Variants in TRDN observed in about 807,000 individuals in gnomAD.
TRDN encodes the protein triadin in skeletal muscle.
Under a neutral mutation model 149.7 loss-of-function variants are expected in TRDN, and 161 were observed. That is an observed-to-expected ratio of 1.08 (90% CI 0.95 to 1.23). The LOEUF is 1.23. Among genes scored for constraint, TRDN ranks in the 50% most tolerant of loss-of-function variants. The pLI is 0.00. For synonymous variants in TRDN, 294 were observed against 250.5 expected (o/e 1.17, Z -1.64); for missense variants, 896 against 823.5 (o/e 1.09, Z -1.08).
chr6:123,246,256 A>C (rs1776174101), intron 38 of TRDN, among the ~76,000 whole-genome samples: 1 of 152,160 alleles, frequency 6.6e-6, no homozygotes. Context: ...ACTGAAGGAG[A>C]TAGAGACACA....
chr6:123,417,248 G>T (rs1174137228), intron 12 of TRDN, among the ~76,000 whole-genome samples: 1 of 152,014 alleles, frequency 6.6e-6, no homozygotes, highest in Non-Finnish European at 1.5e-5. Flanking sequence ...AAATTAATTT[G>T]AGGGAAGCAT....
chr6:123,562,492 G>A (rs945033576), intron 2 of TRDN, among the ~76,000 whole-genome samples: 4 of 152,274 alleles, frequency 2.6e-5, no homozygotes, highest in Non-Finnish European at 4.4e-5. Context: ...ACAGCAAGAA[G>A]CCTATGAGCT....
intron 35 of TRDN, among the ~76,000 whole-genome samples, chr6:123,257,746 A>G (rs570007853): frequency 6.6e-6 from 1 of 152,260 alleles, no homozygotes; most frequent in African/African-American, 2.4e-5. Context: ...TCTTCACAAT[A>G]TTGATTCTTC....
chr6:123,362,308 A>T (rs1780936950), intron 20 of TRDN, among the ~76,000 whole-genome samples: 1 of 151,764 alleles, frequency 6.6e-6, no homozygotes, highest in African/African-American at 2.4e-5. Flanking sequence ...CTATTTCAAA[A>T]TTTTCCTTTA....
chr6:123,486,672 T>C (rs1303994357), intron 9 of TRDN, among the ~76,000 whole-genome samples: 1 of 152,028 alleles, frequency 6.6e-6, no homozygotes, highest in Non-Finnish European at 1.5e-5. Flanking sequence ...ATCATTCCTC[T>C]ACTTTAATAA....
At chr6:123,426,453 G>A (rs948185432) in intron 12 of TRDN, among the ~76,000 whole-genome samples, 1 of 152,148 alleles carries the variant, frequency 6.6e-6, no homozygotes, top group Non-Finnish European at 1.5e-5. Context: ...GTGTGGAATA[G>A]TGGAGCAATA....
At position 123,570,982 on chromosome 6, in the gene TRDN, A is replaced by T. The variant is rs758502934; in HGVS notation, c.173T>A (p.Ile58Asn). The change falls in exon 2 of 41, where the codon ATC (isoleucine) becomes AAC (asparagine). Residue 58 changes from isoleucine (I) to asparagine (N), a missense_variant. Ile to Asn is a moderately radical substitution (Grantham distance 149). Coordinates refer to ENST00000334268, the MANE Select transcript of TRDN (RefSeq NM_006073.4). Reference sequence around the variant, plus strand: ...AACGATGGCAACAGCTGACCACGTGATTATCAGGGCAATGACCAGAAGCCA... The same window carrying T: ...AACGATGGCAACAGCTGACCACGTGTTTATCAGGGCAATGACCAGAAGCCA... The part of the protein sequence containing the change: ...AAWLLVIALI[I>N]TWSAVAIVMF... 65 of 1,613,874 alleles carry T rather than the reference A, an allele frequency of 4.0e-5. No individual in the cohort carries two copies. The highest frequency in any genetic ancestry group is 5.3e-5 in the Non-Finnish European group (62 of 1,179,866).
intron 34 of TRDN, 125 bp from the exon 35 acceptor site, chr6:123,259,787 T>C: frequency 1.5e-6 from 1 of 655,692 alleles, no homozygotes. Flanking sequence ...GGCTCTCTCA[T>C]TTCATTTTTG....
intron 1 of TRDN, among the ~76,000 whole-genome samples, chr6:123,621,286 T>A (rs959576928): frequency 6.6e-6 from 1 of 152,078 alleles, no homozygotes; most frequent in Non-Finnish European, 1.5e-5. Context: ...TGAGACTAGA[T>A]CAATTTCTTC....
At chr6:123,465,415 A>C (rs1017800327) in intron 9 of TRDN, among the ~76,000 whole-genome samples, 2 of 151,968 alleles carry the variant, frequency 1.3e-5, no homozygotes, top group Admixed American at 6.6e-5. Context: ...ATAGGCAATA[A>C]AAGAAGGTTG....
At chr6:123,394,424 G>A (rs909587798) in intron 12 of TRDN, among the ~76,000 whole-genome samples, 1 of 152,062 alleles carries the variant, frequency 6.6e-6, no homozygotes, top group Non-Finnish European at 1.5e-5. Flanking sequence ...TATGGTTTCT[G>A]ATTGTCTTTA....
intron 24 of TRDN, among the ~76,000 whole-genome samples, chr6:123,299,417 C>T (rs1215838376): frequency 6.6e-6 from 1 of 151,920 alleles, no homozygotes; most frequent in Non-Finnish European, 1.5e-5. Flanking sequence ...GTTCTGAAAC[C>T]AAGGAAATGA....
chr6:123,443,865 T>G (rs1194798162), intron 10 of TRDN, among the ~76,000 whole-genome samples: 1 of 151,066 alleles, frequency 6.6e-6, no homozygotes, highest in Non-Finnish European at 1.5e-5. Context: ...CTCTGTTCTG[T>G]TCTATTGATC....
intron 24 of TRDN, among the ~76,000 whole-genome samples, chr6:123,291,695 CT>C (rs1204559390): frequency 6.6e-6 from 1 of 152,052 alleles, no homozygotes; most frequent in African/African-American, 2.4e-5. Flanking sequence ...TAAAAACTTG[CT>C]ATGATTAAAG....
At chr6:123,435,273 G>A (rs1052235860) in intron 12 of TRDN, among the ~76,000 whole-genome samples, 37 of 151,910 alleles carry the variant, frequency 2.4e-4, no homozygotes, top group Admixed American at 2.4e-3. Context: ...GCTCTGCCAT[G>A]TTCCTCTACT....
At chr6:123,366,563 G>A (rs1157072857) in intron 19 of TRDN, among the ~76,000 whole-genome samples, 1 of 152,066 alleles carries the variant, frequency 6.6e-6, no homozygotes, top group South Asian at 2.1e-4. Flanking sequence ...TGTTGCCCAG[G>A]CTGGAATGCA....
chr6:123,446,108 T>C lies in TRDN; in HGVS notation c.932-7105A>G, dbSNP rs529749333. On this transcript the variant is annotated intron_variant, in intron 10 of 40. Coordinates refer to ENST00000334268, the MANE Select transcript of TRDN (RefSeq NM_006073.4). ...GTAGGGACATGGATGAAATTGGAAATCATCATTCTCAGTAAACTATCACAA... is the reference window on the plus strand; with the variant it reads ...GTAGGGACATGGATGAAATTGGAAACCATCATTCTCAGTAAACTATCACAA... 1.1e-4 allele frequency among the ~76,000 whole-genome samples: 16 copies of C among 151,566 alleles called. No individual in the cohort carries two copies. In the South Asian group the frequency reaches 2.9e-3, roughly 28 times the overall value.
chr6:123,356,779 T>C (rs1429664873), intron 20 of TRDN, among the ~76,000 whole-genome samples: 2 of 151,096 alleles, frequency 1.3e-5, no homozygotes, highest in East Asian at 3.9e-4. Flanking sequence ...TTTTAGTTTA[T>C]TGGAAAATCT....
intron 1 of TRDN, among the ~76,000 whole-genome samples, chr6:123,634,450 AAAAT>A (rs1786186990): frequency 6.6e-6 from 1 of 151,962 alleles, no homozygotes; most frequent in African/African-American, 2.4e-5. Flanking sequence ...TAAAAAAAAT[AAAAT>A]AAATAAATAA....
Sources: gnomAD v4.1 joint callset for allele counts (sites outside exome capture counted in the v4.1 genomes callset) on GRCh38, gnomAD v4.1.1 for gene constraint, MANE v1.5 for transcripts, NCBI Gene and HGNC (gene_info 2026-07-23, HGNC 2026-07-21) for gene names.